CLCA4: variants seen among roughly 807,000 people sequenced by gnomAD.
The protein encoded by CLCA4 is chloride channel accessory 4, also known as calcium-activated chloride channel regulator 4.
A neutral mutation model predicts 78.9 loss-of-function variants in CLCA4; 69 were observed. That is an observed-to-expected ratio of 0.87 (90% confidence interval 0.72 to 1.07). CLCA4 has a LOEUF of 1.07. Among genes scored for constraint, CLCA4 ranks in the 50% least tolerant of loss-of-function variants. The probability of loss-of-function intolerance (pLI) is 0.00; values close to 1 mark genes in which losing one functional copy is unlikely to be tolerated. For synonymous variants in CLCA4, 362 were observed against 375.8 expected (o/e 0.96, Z 0.42); for missense variants, 1,133 against 1,095.8 (o/e 1.03, Z -0.48).
In CLCA4 at chr1:86,580,560, CATTT is replaced by C. The variant is rs1159605628; in HGVS notation, c.*220_*223del. ...TGTCAAGATTAAAATTTAATAGTTT[CATTT>C]ATTTGTTATTTTATTTGTAAGAAAT... is the stretch of plus-strand genomic sequence containing the variant. On this transcript the variant is annotated 3_prime_UTR_variant, in exon 14 of 14. Coordinates refer to ENST00000370563, the MANE Select transcript of CLCA4 (RefSeq NM_012128.4). 5.2e-6 allele frequency: 2 copies of C among 384,866 alleles called. No homozygotes were observed. Among genetic ancestry groups the C allele is most frequent in the Non-Finnish European group, 9.1e-6 (2 of 218,852 alleles). The allele number at this position is 384,866 out of a possible 1,614,324, so 23.8% of individuals were successfully genotyped here. A position where few individuals can be genotyped will look rare whatever the true frequency, so the allele number is the denominator to read the frequency against.
chr1:86,561,419 T>C (rs1374820399), intron 3 of CLCA4, among the ~76,000 whole-genome samples: 2 of 152,210 alleles, frequency 1.3e-5, no homozygotes, highest in Non-Finnish European at 2.9e-5. Context: ...TCCTGTTATG[T>C]TTTGAAGAAT....
chr1:86,548,166 G>A (rs1034349729), intron 1 of CLCA4, among the ~76,000 whole-genome samples: 1 of 151,936 alleles, frequency 6.6e-6, no homozygotes, highest in Non-Finnish European at 1.5e-5. Flanking sequence ...TCTCATTCTG[G>A]TTTTGATTTG....
At chr1:86,551,312 TTTG>T (rs1649655827) in intron 1 of CLCA4, among the ~76,000 whole-genome samples, 1 of 152,158 alleles carries the variant, frequency 6.6e-6, no homozygotes, top group Non-Finnish European at 1.5e-5. Flanking sequence ...TTACCTTTGT[TTTG>T]TTTTGTTTTG....
At position 86,580,353 on chromosome 1, in the gene CLCA4, C is replaced by T. The variant is rs184093382; in HGVS notation, c.*8C>T. 21 of 1,540,162 alleles carry T rather than the reference C, an allele frequency of 1.4e-5. 1 individual carries two copies. The highest frequency in any genetic ancestry group is 6.8e-5 in the East Asian group (3 of 44,050). ...TTAAGTACCACCATTTGAACCTTAA[C>T]GAAGAAAAAAATCTTCAAGTAGACC... is the stretch of plus-strand genomic sequence containing the variant. On this transcript the variant is annotated 3_prime_UTR_variant, in exon 14 of 14. Transcript: ENST00000370563.
In CLCA4 at chr1:86,580,044, C is replaced by G. The variant is rs199572709; in HGVS notation, c.2459C>G (p.Ala820Gly). 3.8e-5 allele frequency: 62 copies of G among 1,612,708 alleles called. No individual in the cohort carries two copies. The African/African-American group carries it at 8.1e-4, about 21-fold the overall frequency. Reference protein sequence around the residue: ...VNTTDLSPKEANSKESFAFKP... With the variant: ...VNTTDLSPKEGNSKESFAFKP... ...ACTACTGATCTGTCACCAAAGGAGG[C>G]CAACTCCAAGGAAAGCTTTGCATTT... Residue 820 changes from alanine to glycine, a missense_variant, in exon 14 of 14, where the codon GCC becomes GGC. Physicochemically the swap from Ala to Gly is moderately conservative, Grantham distance 60. Transcript: ENST00000370563.
intron 3 of CLCA4, among the ~76,000 whole-genome samples, chr1:86,561,458 A>G (rs563538152): frequency 6.6e-6 from 1 of 152,330 alleles, no homozygotes; most frequent in South Asian, 2.1e-4. Context: ...ACTAAGTGAC[A>G]TGATTATAAC....
At chr1:86,555,785 G>A (rs1216063518) in intron 1 of CLCA4, among the ~76,000 whole-genome samples, 1 of 151,998 alleles carries the variant, frequency 6.6e-6, no homozygotes, top group African/African-American at 2.4e-5. Flanking sequence ...AAATTGCTTT[G>A]GGCAATATAA....
In CLCA4 at chr1:86,567,603, T is replaced by C. The variant is rs372267350; in HGVS notation, c.1134T>C (p.Tyr378=). Residue 378 remains tyrosine, a synonymous_variant, in exon 7 of 14, where the codon TAT becomes TAC. Transcript: ENST00000370563. ...RNTLMAGLPT[Y]PLGGTSICSG... ...CACTCATGGCAGGATTACCTACATATCCTCTGGGAGGAACTTCCATCTGCT... is the reference window on the plus strand; with the variant it reads ...CACTCATGGCAGGATTACCTACATACCCTCTGGGAGGAACTTCCATCTGCT... 149 of 1,612,922 alleles carry C rather than the reference T, an allele frequency of 9.2e-5. 1 individual carries two copies. Among genetic ancestry groups the C allele is most frequent in the Non-Finnish European group, 1.2e-4 (139 of 1,179,316 alleles).
chr1:86,560,500 C>T (rs931751795), intron 3 of CLCA4, 142 bp downstream of exon 3: 46 of 755,920 alleles, frequency 6.1e-5, no homozygotes, highest in Non-Finnish European at 9.1e-5. Flanking sequence ...TGACCTTAAA[C>T]AAGTGACCTA....
At chr1:86,576,128 A>G (rs1400434676) in intron 11 of CLCA4, among the ~76,000 whole-genome samples, 1 of 151,960 alleles carries the variant, frequency 6.6e-6, no homozygotes, top group Non-Finnish European at 1.5e-5. Flanking sequence ...AAATAAAAAT[A>G]AAAACGTTTT....
At chr1:86,572,999 C>T (rs1032131634) in intron 9 of CLCA4, 8 of 347,434 alleles carry the variant, frequency 2.3e-5, no homozygotes, top group Middle Eastern at 9.1e-4. Context: ...AAATTTTTCA[C>T]CAAAAATGGA....
intron 1 of CLCA4, among the ~76,000 whole-genome samples, chr1:86,551,277 A>G (rs930553552): frequency 1.3e-5 from 2 of 152,154 alleles, no homozygotes; most frequent in Non-Finnish European, 2.9e-5. Flanking sequence ...AAACTTTAAA[A>G]ATCCTTATGC....
At chr1:86,569,645 A>G (rs754860038) in intron 7 of CLCA4, among the ~76,000 whole-genome samples, 1 of 152,014 alleles carries the variant, frequency 6.6e-6, no homozygotes, top group East Asian at 1.9e-4. Flanking sequence ...AAACACAGTT[A>G]ATACATAGCG....
At chr1:86,567,401 T>C in intron 6 of CLCA4, 23 bp from the exon 7 acceptor site, 1 of 1,562,028 alleles carries the variant, frequency 6.4e-7, no homozygotes, top group Non-Finnish European at 8.7e-7. Flanking sequence ...CACTTGTTTG[T>C]TTTTCTTGTC....
chr1:86,579,603 C>A lies in CLCA4; in HGVS notation c.2356+16C>A. The A allele has an allele frequency of 1.4e-6, 2 of 1,380,174 alleles. No homozygotes were observed. Among genetic ancestry groups the A allele is most frequent in the South Asian group, 2.3e-5 (2 of 87,558 alleles). The allele number at this position is 1,380,174 out of a possible 1,614,324, so 85.5% of individuals were successfully genotyped here. A position where few individuals can be genotyped will look rare whatever the true frequency, so the allele number is the denominator to read the frequency against. ...GTTGGAAAAGGTAAGGATGAAGTGT[C>A]ATGTGATTTTGACTTAAGTAAAAGG... On this transcript the variant is annotated intron_variant, in intron 13 of 13. Transcript: ENST00000370563.
intron 1 of CLCA4, among the ~76,000 whole-genome samples, chr1:86,547,761 C>G (rs1649543725): frequency 6.6e-6 from 1 of 152,106 alleles, no homozygotes; most frequent in Admixed American, 6.6e-5. Flanking sequence ...ACATAATGTC[C>G]TCCATGCTCA....
chr1:86,557,028 G>A (rs1219615560), intron 1 of CLCA4, among the ~76,000 whole-genome samples: 2 of 151,938 alleles, frequency 1.3e-5, no homozygotes, highest in African/African-American at 4.8e-5. Context: ...TTTCTGAGGG[G>A]TCAGCATTAA....
At chr1:86,563,910 T>G in intron 4 of CLCA4, 141 bp downstream of exon 4, 1 of 514,146 alleles carries the variant, frequency 1.9e-6, no homozygotes, top group Non-Finnish European at 3.4e-6. Flanking sequence ...AAAGTGTATC[T>G]TTAAGTAGTT....
intron 7 of CLCA4, among the ~76,000 whole-genome samples, chr1:86,570,371 CTT>C (rs1650313902): frequency 6.6e-6 from 1 of 152,032 alleles, no homozygotes. Flanking sequence ...TCTCTATACT[CTT>C]TTACAGGCAC....
Sources: gnomAD v4.1 joint callset for allele counts (sites outside exome capture counted in the v4.1 genomes callset) on GRCh38, gnomAD v4.1.1 for gene constraint, MANE v1.5 for transcripts, NCBI Gene and HGNC (gene_info 2026-07-23, HGNC 2026-07-21) for gene names.